BIRC6: variants seen among roughly 807,000 people sequenced by gnomAD.
BIRC6 encodes dual E2 ubiquitin-conjugating enzyme/E3 ubiquitin-protein ligase BIRC6.
Under a neutral mutation model 503.3 loss-of-function variants are expected in BIRC6, and 98 were observed. The observed-to-expected ratio is 0.19, with a 90% CI of 0.17 to 0.23. The LOEUF is 0.23. BIRC6 is among the 10% of genes least tolerant of loss of function. BIRC6 has a pLI of 1.00. For missense variants in BIRC6, 5,360 were observed against 5,806.0 expected, an observed-to-expected ratio of 0.92 and a Z score of 2.50; for synonymous variants, 2,240 against 2,078.7, an observed-to-expected ratio of 1.08 and a Z score of -2.11.
In BIRC6 at chr2:32,508,027, A is replaced by G. The variant is rs1193075600; in HGVS notation, c.9748A>G (p.Met3250Val). Reference sequence around the variant, plus strand: ...TGAAGTAAGTGCAGATGGGGTAAATATGCTACCTTTGTCCACTCCTGTTGT... The same window carrying G: ...TGAAGTAAGTGCAGATGGGGTAAATGTGCTACCTTTGTCCACTCCTGTTGT... ...SVEVSADGVNMLPLSTPVVTS... is the reference protein window; with the variant it reads ...SVEVSADGVNVLPLSTPVVTS... Residue 3250 changes from methionine (M) to valine (V), a missense_variant, in exon 51 of 74, where the codon ATG becomes GTG. Coordinates refer to ENST00000421745, the MANE Select transcript of BIRC6 (RefSeq NM_016252.4). 54 of 1,613,818 alleles carry G rather than the reference A, an allele frequency of 3.3e-5. No individual in the cohort carries two copies. Among genetic ancestry groups the G allele is most frequent in the Non-Finnish European group, 4.5e-5 (53 of 1,179,878 alleles).
rs1341852131 is a variant in BIRC6, at chr2:32,485,681, G to A, written c.7735G>A (p.Ala2579Thr). ...CCTAGAAGTTGGACTTGAACAGCAAGCAGAACTGATGTTGAAAATGATGTC... is the reference window on the plus strand; with the variant it reads ...CCTAGAAGTTGGACTTGAACAGCAAACAGAACTGATGTTGAAAATGATGTC... ...ARLEVGLEQQ[A>T]ELMLKMMSTL... Residue 2579 changes from alanine to threonine, a missense_variant, in exon 40 of 74, where the codon GCA becomes ACA. Ala to Thr is a moderately conservative substitution (Grantham distance 58). Around this residue, in one of 16 missense-constraint regions of BIRC6, gnomAD observed 2,299 missense variants for 2,267.2 expected, o/e 1.01. Transcript: ENST00000421745. 6.2e-7 allele frequency: 1 copy of A among 1,613,682 alleles called. No individual in the cohort carries two copies. The highest frequency in any genetic ancestry group is 1.7e-5 in the Admixed American group (1 of 59,996).
chr2:32,421,420 A>G (rs747480499), intron 10 of BIRC6, among the ~76,000 whole-genome samples: 1 of 152,128 alleles, frequency 6.6e-6, no homozygotes, highest in Non-Finnish European at 1.5e-5. Context: ...AGTTTCTTAA[A>G]GTAGAAGCTT....
chr2:32,409,673 A>T (rs1006175333), intron 9 of BIRC6, among the ~76,000 whole-genome samples: 1 of 152,196 alleles, frequency 6.6e-6, no homozygotes, highest in African/African-American at 2.4e-5. Context: ...TTGAAATTTG[A>T]GTTTTAAAAG....
intron 23 of BIRC6, 85 bp downstream of exon 23, chr2:32,454,027 A>G: frequency 1.8e-6 from 2 of 1,140,248 alleles, no homozygotes; most frequent in Non-Finnish European, 2.4e-6. Flanking sequence ...ATTATTTCTA[A>G]TTATGTAATT....
chr2:32,591,637 T>G lies in BIRC6; in HGVS notation c.13356-2278T>G, dbSNP rs953417093. The stretch of plus-strand genomic sequence containing the variant: ...AAGAGCTTCACTTTCATATCTTCCT[T>G]CTCTGCAAGATATGTTTCTTTAAGT... On this transcript the variant is annotated intron_variant, in intron 66 of 73. Coordinates refer to ENST00000421745, the MANE Select transcript of BIRC6 (RefSeq NM_016252.4). 3.9e-5 allele frequency among the ~76,000 whole-genome samples: 6 copies of G among 152,330 alleles called. No individual in the cohort carries two copies. In the East Asian group the frequency reaches 9.6e-4, roughly 24 times the overall value.
chr2:32,430,518 G>A (rs775778326), intron 11 of BIRC6, among the ~76,000 whole-genome samples: 28 of 152,196 alleles, frequency 1.8e-4, no homozygotes, highest in Admixed American at 3.9e-4. Context: ...TTGGTCTGAT[G>A]TACATTGGCT....
At position 32,386,355 on chromosome 2, in the gene BIRC6, C is replaced by G. The variant is rs182324613; in HGVS notation, c.646-2395C>G. 2.0e-5 allele frequency among the ~76,000 whole-genome samples: 3 copies of G among 152,226 alleles called. No homozygotes were observed. The East Asian group carries it at 5.8e-4, about 29-fold the overall frequency. ...AAGTCGCCACCTGATAGTTTACCAT[C>G]CACAGTCATTCTTCAAGATTCATTT... On this transcript the variant is annotated intron_variant, in intron 3 of 73. Transcript: ENST00000421745.
intron 66 of BIRC6, among the ~76,000 whole-genome samples, chr2:32,582,298 G>T (rs1304889143): frequency 6.6e-6 from 1 of 152,068 alleles, no homozygotes; most frequent in Non-Finnish European, 1.5e-5. Flanking sequence ...GATTGCTTGA[G>T]CCCAGGAGTT....
chr2:32,423,959 C>T (rs1236295354), intron 10 of BIRC6, among the ~76,000 whole-genome samples: 1 of 152,096 alleles, frequency 6.6e-6, no homozygotes, highest in Non-Finnish European at 1.5e-5. Context: ...GTTCAAGTAA[C>T]CATTTTACTT....
At chr2:32,465,249 ATTT>A (rs11353879) in intron 26 of BIRC6, 85 bp downstream of exon 26, 6,537 of 267,800 alleles carry the variant, frequency 0.024, no homozygotes, top group Middle Eastern at 0.028. Context: ...CTTCAGTTCG[ATTT>A]TTTTTTTTTT....
intron 65 of BIRC6, among the ~76,000 whole-genome samples, chr2:32,553,665 C>G (rs1001191094): frequency 6.6e-6 from 1 of 151,858 alleles, no homozygotes; most frequent in South Asian, 2.1e-4. Context: ...GGTGGGATTA[C>G]AGACAGGCAT....
At position 32,419,912 on chromosome 2, in the gene BIRC6, A is replaced by G. The variant is rs372592524; in HGVS notation, c.2872+3749A>G. Reference sequence around the variant, plus strand: ...TCCTGCTTTGCTAAGAGTTTCCAATAGGAATGAACGTCATATTTTGTCAAA... The same window carrying G: ...TCCTGCTTTGCTAAGAGTTTCCAATGGGAATGAACGTCATATTTTGTCAAA... On this transcript the variant is annotated intron_variant, in intron 10 of 73. Coordinates refer to ENST00000421745, the MANE Select transcript of BIRC6 (RefSeq NM_016252.4). 1.1e-4 allele frequency among the ~76,000 whole-genome samples: 17 copies of G among 152,358 alleles called. No individual in the cohort carries two copies. In the South Asian group the frequency reaches 2.9e-3, roughly 26 times the overall value.
intron 23 of BIRC6, among the ~76,000 whole-genome samples, chr2:32,455,134 T>C (rs184428515): frequency 1.3e-5 from 2 of 152,122 alleles, no homozygotes; most frequent in East Asian, 3.9e-4. Flanking sequence ...ATCCCAGCAC[T>C]TTGGGAGGCC....
intron 45 of BIRC6, 116 bp from the exon 46 acceptor site, chr2:32,499,431 T>C: frequency 1.1e-6 from 1 of 880,088 alleles, no homozygotes; most frequent in Non-Finnish European, 1.7e-6. Context: ...AACTTTCTTG[T>C]ATTGTGATAA....
chr2:32,508,276 C>CTTTTTTTTTTTTTTTTTTTT lies in BIRC6; in HGVS notation c.9980+25_9980+44dup, dbSNP rs10528992. 4.4e-5 allele frequency: 38 copies of CTTTTTTTTTTTTTTTTTTTT among 864,876 alleles called. 4 individuals are homozygous for CTTTTTTTTTTTTTTTTTTTT. In the African/African-American group the frequency reaches 9.5e-4, roughly 22 times the overall value. The allele number at this position is 864,876 out of a possible 1,614,324, so 53.6% of individuals were successfully genotyped here. A position where few individuals can be genotyped will look rare whatever the true frequency, so the allele number is the denominator to read the frequency against. On this transcript the variant is annotated intron_variant, in intron 51 of 73. Coordinates refer to ENST00000421745, the MANE Select transcript of BIRC6 (RefSeq NM_016252.4). ...CAAAACAAGGTATGTTTTGTTTGTC[C>CTTTTTTTTTTTTTTTTTTTT]TTTTTTTTTTTTTTTTTTTTTTTTT...
At chr2:32,410,701 C>CT (rs2041763347) in intron 9 of BIRC6, among the ~76,000 whole-genome samples, 1 of 150,950 alleles carries the variant, frequency 6.6e-6, no homozygotes. Context: ...ACTTGGGCAA[C>CT]TTCTTTTTTT....
chr2:32,461,714 G>T (rs1250966202), intron 23 of BIRC6, among the ~76,000 whole-genome samples: 3 of 151,740 alleles, frequency 2.0e-5, no homozygotes, highest in Non-Finnish European at 2.9e-5. Flanking sequence ...TATAGCCCTT[G>T]TTTGCTTTTA....
chr2:32,461,073 C>CTCTTCTGTTCTGT (rs1558790099), intron 23 of BIRC6, among the ~76,000 whole-genome samples: 4 of 4,464 alleles, frequency 9.0e-4, no homozygotes, highest in Non-Finnish European at 1.1e-3. Flanking sequence ...TTCTGTTCTC[C>CTCTTCTGTTCTGT]TCTCCTCTCC....
At position 32,598,094 on chromosome 2, in the gene BIRC6, C is replaced by G. The variant is rs972188460; in HGVS notation, c.13830+126C>G. On this transcript the variant is annotated intron_variant, in intron 69 of 73. Transcript: ENST00000421745. ...ACAAAACACTAGAAATTTTGGTGAC[C>G]ATTTTTAGACGGCAGTGAAAGGAGC... 50 of 906,168 alleles carry G rather than the reference C, an allele frequency of 5.5e-5. No individual in the cohort carries two copies. In the African/African-American group the frequency reaches 7.5e-4, roughly 14 times the overall value. 56.1% of individuals were successfully genotyped at this position (906,168 alleles called of 1,614,324 possible).
Sources: gnomAD v4.1 joint callset for allele counts (sites outside exome capture counted in the v4.1 genomes callset) on GRCh38, gnomAD v4.1.1 for gene constraint, gnomAD v4.1.1 regional missense constraint, MANE v1.5 for transcripts, NCBI Gene and HGNC (gene_info 2026-07-23, HGNC 2026-07-21) for gene names.